TAFA5: variants seen among roughly 807,000 people sequenced by gnomAD.
The protein encoded by TAFA5 is TAFA chemokine like family member 5, also known as chemokine-like protein TAFA-5.
In TAFA5, 6 loss-of-function variants were observed where a neutral mutation model predicts 15.3. The ratio of observed to expected loss-of-function variants is 0.39; its 90% CI spans 0.21 to 0.77. The LOEUF is 0.77. TAFA5 is among the 30% of genes least tolerant of loss of function. The pLI is 0.41. For synonymous variants in TAFA5, 103 were observed against 80.7 expected, an observed-to-expected ratio of 1.28 and a Z score of -1.48; for missense variants, 161 against 193.1, an observed-to-expected ratio of 0.83 and a Z score of 0.98.
chr22:48,613,128 A>G (rs1376417723), intron 1 of TAFA5, among the ~76,000 whole-genome samples: 4 of 152,174 alleles, frequency 2.6e-5, no homozygotes, highest in Non-Finnish European at 5.9e-5. Flanking sequence ...ATATGCTAAC[A>G]TCAATGCTGG....
intron 2 of TAFA5, among the ~76,000 whole-genome samples, chr22:48,681,784 C>A (rs992377521): frequency 3.3e-5 from 5 of 152,166 alleles, no homozygotes; most frequent in Non-Finnish European, 7.3e-5. Flanking sequence ...GTCTGTCCTT[C>A]TTGCACACAC....
chr22:48,527,573 C>A (rs906972677), intron 1 of TAFA5, among the ~76,000 whole-genome samples: 1 of 152,194 alleles, frequency 6.6e-6, no homozygotes, highest in African/African-American at 2.4e-5. Flanking sequence ...CAGAGACAGG[C>A]CAGGTTCTGA....
At chr22:48,701,805 C>T (rs567005784) in intron 2 of TAFA5, among the ~76,000 whole-genome samples, 2 of 152,212 alleles carry the variant, frequency 1.3e-5, no homozygotes, top group East Asian at 3.9e-4. Flanking sequence ...TGGCTGCCTC[C>T]CTCCCCTGAA....
chr22:48,534,627 G>T (rs570017583), intron 1 of TAFA5, among the ~76,000 whole-genome samples: 1 of 152,286 alleles, frequency 6.6e-6, no homozygotes, highest in Non-Finnish European at 1.5e-5. Context: ...CTTCACTTCC[G>T]GGAATATCTC....
At chr22:48,601,789 C>T (rs1924983014) in intron 1 of TAFA5, among the ~76,000 whole-genome samples, 1 of 152,218 alleles carries the variant, frequency 6.6e-6, no homozygotes, top group Admixed American at 6.5e-5. Flanking sequence ...ACACCCCACG[C>T]CATCTGTGAG....
At chr22:48,618,037 AC>A (rs1925675047) in intron 1 of TAFA5, among the ~76,000 whole-genome samples, 1 of 152,204 alleles carries the variant, frequency 6.6e-6, no homozygotes, top group Admixed American at 6.5e-5. Flanking sequence ...TGGGATTTGA[AC>A]CCAGTAAGTG....
chr22:48,750,301 T>TA lies in TAFA5; in HGVS notation c.*455dup. The TA allele has an allele frequency of 5.4e-6, 1 of 184,984 alleles. No individual in the cohort carries two copies. Among genetic ancestry groups the TA allele is most frequent in the Non-Finnish European group, 1.1e-5 (1 of 88,708 alleles). 11.5% of individuals were successfully genotyped at this position (184,984 alleles called of 1,614,324 possible). ...ACTGTCCGAATTGCTTTTATTTTCT[T>TA]ATACTTTCAGTATACTCCATAGACC... On this transcript the variant is annotated 3_prime_UTR_variant, in exon 4 of 4. Transcript: ENST00000402357.
At chr22:48,583,561 C>A (rs1411650127) in intron 1 of TAFA5, among the ~76,000 whole-genome samples, 1 of 151,102 alleles carries the variant, frequency 6.6e-6, no homozygotes, top group Non-Finnish European at 1.5e-5. Flanking sequence ...ACACCACACA[C>A]ACCACACATC....
intron 2 of TAFA5, among the ~76,000 whole-genome samples, chr22:48,677,746 A>G (rs1355664188): frequency 6.6e-6 from 1 of 152,150 alleles, no homozygotes; most frequent in Admixed American, 6.5e-5. Flanking sequence ...AGTCTCCCTC[A>G]CAAGGAGAGT....
rs572294907 is a variant in TAFA5, at chr22:48,552,863, G to C, written c.112+63159G>C. ...AGGGAGGAGGCCCAGAGCCAGCCCT[G>C]GGTGCTGAGCCCCTGGTTTCCCACT... On this transcript the variant is annotated intron_variant, in intron 1 of 3. Coordinates refer to ENST00000402357, the MANE Select transcript of TAFA5 (RefSeq NM_001082967.3). The surrounding 1 kb of genome is among the most constrained non-coding windows in gnomAD (Gnocchi z 4.1). 6.6e-6 allele frequency among the ~76,000 whole-genome samples: 1 copy of C among 152,076 alleles called. No individual in the cohort carries two copies. The highest frequency in any genetic ancestry group is 1.9e-4 in the East Asian group (1 of 5,160).
In TAFA5 at chr22:48,530,870, T is replaced by G. The variant is rs1921947559; in HGVS notation, c.112+41166T>G. ...CGACAAAGCAGGGGAGAAATGTCCC[T>G]CGGGTTCCAAATGAAAGTGGCTGAG... On this transcript the variant is annotated intron_variant, in intron 1 of 3. Transcript: ENST00000402357. This position sits in a 1 kb window ranked among gnomAD's most constrained non-coding sequence, Gnocchi z 6.0. Among the ~76,000 whole-genome samples the G allele has an allele frequency of 6.6e-6, 1 of 152,090 alleles. No individual in the cohort carries two copies. The highest frequency in any genetic ancestry group is 1.5e-5 in the Non-Finnish European group (1 of 68,020).
chr22:48,687,627 A>G (rs1238915552), intron 2 of TAFA5, among the ~76,000 whole-genome samples: 3 of 152,068 alleles, frequency 2.0e-5, no homozygotes, highest in Non-Finnish European at 4.4e-5. Flanking sequence ...CCTCCCCTTG[A>G]GGCAGTGACA....
chr22:48,492,793 A>G (rs1928202312), intron 1 of TAFA5, among the ~76,000 whole-genome samples: 1 of 152,194 alleles, frequency 6.6e-6, no homozygotes, highest in Non-Finnish European at 1.5e-5. Context: ...ATGGTTGGTA[A>G]TAAGTTGACT....
intron 1 of TAFA5, among the ~76,000 whole-genome samples, chr22:48,637,778 C>G (rs1299262150): frequency 2.0e-5 from 3 of 152,074 alleles, no homozygotes; most frequent in African/African-American, 7.2e-5. Flanking sequence ...TCGACGTCCC[C>G]AACACTTTCA....
chr22:48,591,405 C>T (rs1169107212), intron 1 of TAFA5, among the ~76,000 whole-genome samples: 1 of 152,220 alleles, frequency 6.6e-6, no homozygotes. Context: ...TGCCCGCTCT[C>T]CTCCCACCCC....
chr22:48,576,590 G>A lies in TAFA5; in HGVS notation c.113-70007G>A, dbSNP rs1256199586. 9 of 1,438,118 alleles carry A rather than the reference G, an allele frequency of 6.3e-6. No individual in the cohort carries two copies. The Admixed American group carries it at 6.7e-5, about 11-fold the overall frequency. 89.1% of individuals were successfully genotyped at this position (1,438,118 alleles called of 1,614,324 possible). ...AAAGAAGGTAATTGTCCCCGGGCGC[G>A]CGGACCGGTCCTCCGCGCTCTGCCC... is the stretch of plus-strand genomic sequence containing the variant. On this transcript the variant is annotated intron_variant, in intron 1 of 3. Coordinates refer to ENST00000402357, the MANE Select transcript of TAFA5 (RefSeq NM_001082967.3).
At chr22:48,576,513 A>C in intron 1 of TAFA5, 5 of 1,508,850 alleles carry the variant, frequency 3.3e-6, no homozygotes, top group Non-Finnish European at 2.7e-6. Flanking sequence ...GGGCACTGGC[A>C]GGGGCCGCGC....
chr22:48,601,296 C>T (rs191055321), intron 1 of TAFA5, among the ~76,000 whole-genome samples: 292 of 152,184 alleles, frequency 1.9e-3, no homozygotes, highest in African/African-American at 6.8e-3. Context: ...TTGTATATGA[C>T]GTGTGTATAT....
intron 1 of TAFA5, among the ~76,000 whole-genome samples, chr22:48,628,826 G>A (rs377106072): frequency 1.3e-5 from 2 of 152,222 alleles, no homozygotes; most frequent in East Asian, 1.9e-4. Context: ...ACACATCGGC[G>A]TGTTTGCCAA....
Sources: gnomAD v4.1 joint callset for allele counts (sites outside exome capture counted in the v4.1 genomes callset) on GRCh38, gnomAD v4.1.1 for gene constraint, Gnocchi (gnomAD v3.1) non-coding constraint, MANE v1.5 for transcripts, NCBI Gene and HGNC (gene_info 2026-07-23, HGNC 2026-07-21) for gene names.